Variants in UNKL observed in about 807,000 individuals in gnomAD.
The protein encoded by UNKL is putative E3 ubiquitin-protein ligase UNKL.
A neutral mutation model predicts 78.0 loss-of-function variants in UNKL; 60 were observed. The observed-to-expected ratio is 0.77, with a 90% CI of 0.63 to 0.95. The LOEUF is 0.95. Ranked by LOEUF, UNKL falls within the 40% of genes least tolerant of loss-of-function variation. The probability of loss-of-function intolerance (pLI) is 0.00; values close to 1 mark genes in which losing one functional copy is unlikely to be tolerated. For missense variants in UNKL, 1,159 were observed against 1,045.7 expected, an observed-to-expected ratio of 1.11 and a Z score of -1.49; for synonymous variants, 608 against 474.8, an observed-to-expected ratio of 1.28 and a Z score of -3.65.
intron 11 of UNKL, 142 bp downstream of exon 11, chr16:1,371,377 C>T: frequency 1.3e-6 from 1 of 765,024 alleles, no homozygotes; most frequent in Non-Finnish European, 2.1e-6. Flanking sequence ...CGGGTCTTGC[C>T]CTGTGGTCCA....
intron 2 of UNKL, among the ~76,000 whole-genome samples, chr16:1,412,614 C>G (rs908530394): frequency 6.6e-6 from 1 of 152,182 alleles, no homozygotes; most frequent in Non-Finnish European, 1.5e-5. Context: ...AGTCTCGATG[C>G]TACATAAATG....
At chr16:1,379,725 CAACGT>C in intron 10 of UNKL, 1 of 974,876 alleles carries the variant, frequency 1.0e-6, no homozygotes, top group Non-Finnish European at 1.2e-6. Context: ...CCCCGCCCCG[CAACGT>C]GACTCGGCCC....
chr16:1,413,645 T>C (rs992391284), intron 2 of UNKL, among the ~76,000 whole-genome samples: 1 of 152,204 alleles, frequency 6.6e-6, no homozygotes, highest in Non-Finnish European at 1.5e-5. Flanking sequence ...AAAACACACA[T>C]AATCCCTCGG....
At chr16:1,407,357 G>A (rs56164419) in intron 2 of UNKL, 5,827 of 152,382 alleles carry the variant, frequency 0.038, 342 homozygotes, top group African/African-American at 0.13. Context: ...CTGGGGAGGC[G>A]CACAGGGCAA....
intron 2 of UNKL, chr16:1,406,018 T>C: frequency 4.4e-6 from 2 of 456,654 alleles, no homozygotes; most frequent in Non-Finnish European, 8.8e-6. Flanking sequence ...CCAGCTGGTG[T>C]GGACGAGGCC....
chr16:1,389,783 G>A (rs986116303), intron 9 of UNKL, among the ~76,000 whole-genome samples: 6 of 152,196 alleles, frequency 3.9e-5, no homozygotes, highest in Non-Finnish European at 5.9e-5. Flanking sequence ...TCAGCCCCCA[G>A]AACTGAGAGA....
At chr16:1,405,495 G>A (rs2037711606) in intron 2 of UNKL, among the ~76,000 whole-genome samples, 1 of 151,828 alleles carries the variant, frequency 6.6e-6, no homozygotes, top group African/African-American at 2.4e-5. Context: ...GGAATTACTT[G>A]AACCCGGGAG....
chr16:1,392,090 A>G (rs948439717), intron 8 of UNKL, among the ~76,000 whole-genome samples: 1 of 152,220 alleles, frequency 6.6e-6, no homozygotes, highest in Non-Finnish European at 1.5e-5. Context: ...CCATGGCATC[A>G]AACCCCAAAC....
rs1053914711 is a variant in UNKL at position 1,414,666 on chromosome 16, G to A, written c.26C>T (p.Ala9Val). 26 of 1,152,192 alleles carry A rather than the reference G, an allele frequency of 2.3e-5. No homozygotes were observed. Among genetic ancestry groups the A allele is most frequent in the Non-Finnish European group, 2.7e-5 (25 of 924,432 alleles). The allele number at this position is 1,152,192 out of a possible 1,614,324, so 71.4% of individuals were successfully genotyped here. Residue 9 changes from alanine (A) to valine (V), a missense_variant, in exon 1 of 15, where the codon GCA becomes GTA. Physicochemically the swap from Ala to Val is moderately conservative, Grantham distance 64. Coordinates refer to ENST00000389221, the MANE Select transcript of UNKL (RefSeq NM_001372107.1). Reference protein sequence around the residue: MPSVSKAAAAALSGSPPQT... With the variant: MPSVSKAAVAALSGSPPQT... ...CGGGGGGGACCCGCTCAGCGCCGCT[G>A]CCGCCGCTTTCGAAACCGACGGCAT...
intron 11 of UNKL, among the ~76,000 whole-genome samples, chr16:1,370,891 G>C (rs1032074779): frequency 6.6e-6 from 1 of 152,122 alleles, no homozygotes; most frequent in Non-Finnish European, 1.5e-5. Flanking sequence ...AGACCATCCT[G>C]GCTAACATGG....
At position 1,406,907 on chromosome 16, in the gene UNKL, G is replaced by A. The variant is rs916847564; in HGVS notation, c.288-3563C>T. Among the ~76,000 whole-genome samples the A allele has an allele frequency of 2.2e-5, 3 of 134,708 alleles. No homozygotes were observed. The Admixed American group carries it at 2.4e-4, about 11-fold the overall frequency. The allele number at this position is 134,708 out of a possible 152,430, so 88.4% of individuals were successfully genotyped here. A position where few individuals can be genotyped will look rare whatever the true frequency, so the allele number is the denominator to read the frequency against. The stretch of plus-strand genomic sequence containing the variant: ...CATTCCAGAACTTTGGGAGGCTGAG[G>A]CAGGTGGACCACCTGAGGTCAGGAG... On this transcript the variant is annotated intron_variant, in intron 2 of 14. Transcript: ENST00000389221.
At chr16:1,395,959 T>C in intron 6 of UNKL, 2 of 357,264 alleles carry the variant, frequency 5.6e-6, no homozygotes, top group South Asian at 4.0e-5. Context: ...TTTTACTTTT[T>C]TTAGATAGAG....
At chr16:1,392,867 G>A (rs921794315) in intron 8 of UNKL, 24 bp downstream of exon 8, 3 of 1,550,068 alleles carry the variant, frequency 1.9e-6, no homozygotes, top group African/African-American at 2.7e-5. Flanking sequence ...ACTGGGCATT[G>A]TCCTGGGAAG....
Position 1,399,268 on chromosome 16 carries a change from A to T in UNKL, c.734+106T>A. The T allele has an allele frequency of 7.0e-7, 1 of 1,421,520 alleles. No homozygotes were observed. The allele number at this position is 1,421,520 out of a possible 1,614,324, so 88.1% of individuals were successfully genotyped here. On this transcript the variant is annotated intron_variant, in intron 5 of 14. Coordinates refer to ENST00000389221, the MANE Select transcript of UNKL (RefSeq NM_001372107.1). The surrounding 1 kb of genome is among the most constrained non-coding windows in gnomAD (Gnocchi z 5.8). ...CTCCCCTCCCGGGGATGATGGTGCC[A>T]CAAGGGCAGCCCTCCCATTAGAACC...
rs568688442 is a variant in UNKL at position 1,413,585 on chromosome 16, A to G, written c.287+261T>C. ...CTCCGTCTCAAAAAACAAACAAAAAAAAGTGGGAGGTGAAGCAAAATTGGT... is the reference window on the plus strand; with the variant it reads ...CTCCGTCTCAAAAAACAAACAAAAAGAAGTGGGAGGTGAAGCAAAATTGGT... On this transcript the variant is annotated intron_variant, in intron 2 of 14. Coordinates refer to ENST00000389221, the MANE Select transcript of UNKL (RefSeq NM_001372107.1). Among the ~76,000 whole-genome samples the G allele has an allele frequency of 2.6e-5, 4 of 152,362 alleles. No individual in the cohort carries two copies. In the South Asian group the frequency reaches 8.3e-4, roughly 32 times the overall value.
At chr16:1,369,156 G>A (rs147747791) in intron 12 of UNKL, among the ~76,000 whole-genome samples, 1,374 of 130,084 alleles carry the variant, frequency 0.011, 22 homozygotes, top group African/African-American at 0.035. Context: ...TGCGACCTCC[G>A]ACTCCCGGGT....
rs2037377999 is a variant in UNKL at position 1,398,622 on chromosome 16, CA to C, written c.734+751del. 4 of 1,430,874 alleles carry C rather than the reference CA, an allele frequency of 2.8e-6. No individual in the cohort carries two copies. The South Asian group carries it at 4.5e-5, about 16-fold the overall frequency. The allele number at this position is 1,430,874 out of a possible 1,614,324, so 88.6% of individuals were successfully genotyped here. The stretch of plus-strand genomic sequence containing the variant: ...GCTCAAAGGAAGAGCTGGACACAGA[CA>C]GGGCCTCAGGGAGGCCAAGGCCATG... On this transcript the variant is annotated intron_variant, in intron 5 of 14. Coordinates refer to ENST00000389221, the MANE Select transcript of UNKL (RefSeq NM_001372107.1).
intron 6 of UNKL, chr16:1,396,909 A>G (rs2037290743): frequency 2.1e-6 from 1 of 479,832 alleles, no homozygotes; most frequent in Non-Finnish European, 3.8e-6. Flanking sequence ...TTTAATTGAC[A>G]TTTTCTCTCT....
intron 2 of UNKL, chr16:1,412,198 C>T (rs1240388093): frequency 6.6e-6 from 1 of 152,238 alleles, no homozygotes; most frequent in Non-Finnish European, 1.5e-5. Flanking sequence ...CTTGTATTTT[C>T]CCTGTTTTCC....
Sources: gnomAD v4.1 joint callset for allele counts (sites outside exome capture counted in the v4.1 genomes callset) on GRCh38, gnomAD v4.1.1 for gene constraint, Gnocchi (gnomAD v3.1) non-coding constraint, MANE v1.5 for transcripts, NCBI Gene and HGNC (gene_info 2026-07-23, HGNC 2026-07-21) for gene names.